The following KIF1B variants were observed in gnomAD, a reference collection of about 807,000 sequenced individuals.
KIF1B encodes kinesin-like protein KIF1B.
Under a neutral mutation model 241.9 loss-of-function variants are expected in KIF1B, and 76 were observed. That is an observed-to-expected ratio of 0.31 (90% CI 0.26 to 0.38). The LOEUF is 0.38. Ranked by LOEUF, KIF1B falls within the 10% of genes least tolerant of loss-of-function variation. The pLI, the probability that KIF1B is intolerant of heterozygous loss-of-function variation, is 1.00. For missense variants in KIF1B, 1,622 were observed against 2,271.4 expected (o/e 0.71, Z 5.81); for synonymous variants, 750 against 796.7 (o/e 0.94, Z 0.99).
chr1:10,347,749 TC>T lies in KIF1B; in HGVS notation c.3798-11del, dbSNP rs1329033277. 5 of 1,611,772 alleles carry T rather than the reference TC, an allele frequency of 3.1e-6. No homozygotes were observed. The highest frequency in any genetic ancestry group is 1.3e-5 in the African/African-American group (1 of 74,878). On this transcript the variant is annotated splice_polypyrimidine_tract_variant and intron_variant, in intron 35 of 48. Coordinates refer to ENST00000676179, the MANE Select transcript of KIF1B (RefSeq NM_001365951.3). ...AGCACTTAGTTTTTTCTTTTGCGTT[TC>T]TATTTTTTAGGTATATCCCAGCTGT...
intron 1 of KIF1B, among the ~76,000 whole-genome samples, chr1:10,223,531 T>G (rs76754630): frequency 0.27 from 40,073 of 149,846 alleles, 5,605 homozygotes; most frequent in Admixed American, 0.33. Context: ...GTGGTTTTTT[T>G]TTTTGTTTTG....
At chr1:10,350,295 C>T (rs1229755132) in intron 37 of KIF1B, among the ~76,000 whole-genome samples, 2 of 151,444 alleles carry the variant, frequency 1.3e-5, no homozygotes, top group Non-Finnish European at 2.9e-5. Context: ...CGTGGTGGCT[C>T]ATGCCTGTAA....
chr1:10,261,881 G>A (rs778370375), intron 4 of KIF1B, 24 bp from the exon 5 acceptor site: 1 of 1,531,620 alleles, frequency 6.5e-7, no homozygotes, highest in Admixed American at 1.7e-5. Flanking sequence ...TGCTCTTCAT[G>A]CCTCTCTCAT....
At chr1:10,332,153 C>T (rs1429674548) in intron 27 of KIF1B, among the ~76,000 whole-genome samples, 2 of 152,052 alleles carry the variant, frequency 1.3e-5, no homozygotes, top group Non-Finnish European at 2.9e-5. Flanking sequence ...CAACCTTCAC[C>T]TCCTGGGTTC....
At chr1:10,312,122 CTGA>C (rs36109286) in intron 22 of KIF1B, among the ~76,000 whole-genome samples, 48,439 of 150,888 alleles carry the variant, frequency 0.32, 8,361 homozygotes, top group Admixed American at 0.37. Flanking sequence ...GCTCTAGATG[CTGA>C]TGATACACAA....
chr1:10,281,468 G>C (rs1436403433), intron 14 of KIF1B, among the ~76,000 whole-genome samples: 1 of 152,112 alleles, frequency 6.6e-6, no homozygotes, highest in Non-Finnish European at 1.5e-5. Context: ...CTTAGTAAAT[G>C]GAAGTATGTT....
intron 32 of KIF1B, among the ~76,000 whole-genome samples, chr1:10,340,126 T>G (rs1292411496): frequency 6.6e-6 from 1 of 152,222 alleles, no homozygotes; most frequent in African/African-American, 2.4e-5. Flanking sequence ...TTTTAGTGTT[T>G]CTGTCCTAGA....
rs970812021 is a variant in KIF1B at position 10,232,277 on chromosome 1, A to T, written c.-52A>T. The T allele has an allele frequency of 1.5e-6, 2 of 1,372,800 alleles. No individual in the cohort carries two copies. The highest frequency in any genetic ancestry group is 1.8e-5 in the Admixed American group (1 of 54,464). 85.0% of individuals were successfully genotyped at this position (1,372,800 alleles called of 1,614,324 possible). A position where few individuals can be genotyped will look rare whatever the true frequency, so the allele number is the denominator to read the frequency against. On this transcript the variant is annotated 5_prime_UTR_variant, in exon 2 of 49. Transcript: ENST00000676179. ...AACTTGGCTGTAACTTCAAAAGAAGATTTGATTCTTTATTTCTGGACTGCA... is the reference window on the plus strand; with the variant it reads ...AACTTGGCTGTAACTTCAAAAGAAGTTTTGATTCTTTATTTCTGGACTGCA...
At position 10,326,327 on chromosome 1, in the gene KIF1B, C is replaced by T. The variant is rs986716280; in HGVS notation, c.2892C>T (p.Tyr964=). The change falls in exon 27 of 49, where the codon TAC becomes TAT. Residue 964 remains tyrosine (Y), a synonymous_variant. Transcript: ENST00000676179. The surrounding 1 kb of genome is among the most constrained non-coding windows in gnomAD (Gnocchi z 5.2). ...TCAGTGACGGGCATGACCCGTTTTA[C>T]GACCGATCCCCTTGGTTCATTTTAG... is the stretch of plus-strand genomic sequence containing the variant. ...DLFSDGHDPF[Y]DRSPWFILVG... 9 of 1,614,080 alleles carry T rather than the reference C, an allele frequency of 5.6e-6. No individual in the cohort carries two copies. Among genetic ancestry groups the T allele is most frequent in the Middle Eastern group, 1.6e-4 (1 of 6,084 alleles).
chr1:10,277,844 T>C, intron 12 of KIF1B, 142 bp from the exon 13 acceptor site: 1 of 739,854 alleles, frequency 1.4e-6, no homozygotes, highest in Non-Finnish European at 2.2e-6. Context: ...ATAGGTACTA[T>C]AAAGCTTTAT....
chr1:10,276,807 G>A (rs1282954410), intron 12 of KIF1B, among the ~76,000 whole-genome samples: 1 of 152,132 alleles, frequency 6.6e-6, no homozygotes, highest in Admixed American at 6.6e-5. Context: ...TCGGCCAGGC[G>A]CAGTGGCCCC....
chr1:10,232,877 T>G (rs989562309), intron 2 of KIF1B, among the ~76,000 whole-genome samples: 1 of 152,242 alleles, frequency 6.6e-6, no homozygotes, highest in Non-Finnish European at 1.5e-5. Flanking sequence ...TAATATATAG[T>G]AAACTTATAC....
intron 12 of KIF1B, among the ~76,000 whole-genome samples, chr1:10,276,608 T>G (rs938872628): frequency 6.6e-6 from 1 of 152,244 alleles, no homozygotes; most frequent in African/African-American, 2.4e-5. Context: ...GGGAAAGATA[T>G]GAACTTTTTA....
chr1:10,262,333 A>G lies in KIF1B; in HGVS notation c.429+363A>G, dbSNP rs545943428. ...ACCCCTAGATAATTGATTTTTTTGT[A>G]GAGATGGAGTTTCCCTATGTTGCCC... On this transcript the variant is annotated intron_variant, in intron 5 of 48. Transcript: ENST00000676179. 7.0e-4 allele frequency among the ~76,000 whole-genome samples: 106 copies of G among 152,106 alleles called. 4 individuals carry two copies. In the South Asian group the frequency reaches 0.021, roughly 30 times the overall value.
chr1:10,306,020 A>G, intron 22 of KIF1B: 1 of 1,049,728 alleles, frequency 9.5e-7, no homozygotes, highest in Non-Finnish European at 1.2e-6. Flanking sequence ...AGCCTTAAAG[A>G]TTGTGATTAT....
Position 10,376,836 on chromosome 1 carries a change from C to T in KIF1B, c.*249C>T, listed in dbSNP as rs1448306503. 4 of 153,796 alleles carry T rather than the reference C, an allele frequency of 2.6e-5. No homozygotes were observed. Among genetic ancestry groups the T allele is most frequent in the Non-Finnish European group, 1.2e-5 (1 of 82,170 alleles). 9.5% of individuals were successfully genotyped at this position (153,796 alleles called of 1,614,324 possible). ...AACAAAAGGAAAAAATGTTTTTAAA[C>T]ACACACACACACACACACACACACA... On this transcript the variant is annotated 3_prime_UTR_variant, in exon 49 of 49. Transcript: ENST00000676179.
At chr1:10,310,625 A>C (rs1160237401) in intron 22 of KIF1B, among the ~76,000 whole-genome samples, 1 of 150,806 alleles carries the variant, frequency 6.6e-6, no homozygotes, top group Non-Finnish European at 1.5e-5. Flanking sequence ...TACTTCTGAT[A>C]AATATTTATC....
At chr1:10,306,354 C>A in intron 22 of KIF1B, 2 of 1,046,724 alleles carry the variant, frequency 1.9e-6, no homozygotes, top group Non-Finnish European at 2.3e-6. Context: ...TCAGTCACTT[C>A]AATGCATTTT....
Position 10,313,643 on chromosome 1 carries a change from T to C in KIF1B, c.2116-6400T>C, listed in dbSNP as rs532154041. On this transcript the variant is annotated intron_variant, in intron 22 of 48. Coordinates refer to ENST00000676179, the MANE Select transcript of KIF1B (RefSeq NM_001365951.3). ...TCGGCTCACTGCAAGCTCCGCCTCC[T>C]GGGTTCACACCATTCTCCTGCCTCA... Among the ~76,000 whole-genome samples, 375 of 146,394 alleles carry C rather than the reference T, an allele frequency of 2.6e-3. 8 individuals are homozygous for C. Among genetic ancestry groups the C allele is most frequent in the African/African-American group, 8.6e-3 (331 of 38,548 alleles).
Sources: gnomAD v4.1 joint callset for allele counts (sites outside exome capture counted in the v4.1 genomes callset) on GRCh38, gnomAD v4.1.1 for gene constraint, Gnocchi (gnomAD v3.1) non-coding constraint, MANE v1.5 for transcripts, NCBI Gene and HGNC (gene_info 2026-07-23, HGNC 2026-07-21) for gene names.